Variants in CCDC171 observed in about 807,000 individuals in gnomAD.
CCDC171 encodes the protein coiled-coil domain containing 171.
A neutral mutation model predicts 168.2 loss-of-function variants in CCDC171; 177 were observed. The ratio of observed to expected loss-of-function variants is 1.05; its 90% CI spans 0.93 to 1.19. The LOEUF (loss-of-function observed/expected upper bound fraction) is 1.19. Ranked by LOEUF, CCDC171 falls within the 50% of genes most tolerant of loss-of-function variation. The probability of loss-of-function intolerance (pLI) is 0.00; values close to 1 mark genes in which losing one functional copy is unlikely to be tolerated. For synonymous variants in CCDC171, 687 were observed against 540.8 expected (o/e 1.27, Z -3.75); for missense variants, 1,991 against 1,539.0 (o/e 1.29, Z -4.91).
chr9:15,820,368 C>A (rs2059719147), intron 21 of CCDC171, among the ~76,000 whole-genome samples: 2 of 110,684 alleles, frequency 1.8e-5, no homozygotes, highest in South Asian at 3.0e-4. Context: ...AATAGAGGCA[C>A]AAAAAACCCT....
intron 16 of CCDC171, among the ~76,000 whole-genome samples, chr9:15,741,244 C>T (rs891132157): frequency 2.0e-5 from 3 of 152,164 alleles, no homozygotes; most frequent in African/African-American, 7.2e-5. Flanking sequence ...GTGAACTTTT[C>T]ATCACTCCAA....
At chr9:15,921,564 C>G (rs1825330087) in intron 25 of CCDC171, among the ~76,000 whole-genome samples, 1 of 151,550 alleles carries the variant, frequency 6.6e-6, no homozygotes, top group South Asian at 2.1e-4. Flanking sequence ...TTAAGACTTT[C>G]CAGTTCTAAG....
chr9:15,686,974 T>C (rs1317579635), intron 10 of CCDC171, among the ~76,000 whole-genome samples: 1 of 152,220 alleles, frequency 6.6e-6, no homozygotes, highest in Non-Finnish European at 1.5e-5. Context: ...CAAGTGTACG[T>C]GAAATATTCT....
At chr9:15,856,778 C>T (rs1207315698) in intron 23 of CCDC171, among the ~76,000 whole-genome samples, 2 of 152,090 alleles carry the variant, frequency 1.3e-5, no homozygotes, top group East Asian at 3.9e-4. Flanking sequence ...TGTGAAATCT[C>T]CATACTTTTT....
chr9:15,740,082 A>G (rs1028267182), intron 16 of CCDC171, among the ~76,000 whole-genome samples: 1 of 151,984 alleles, frequency 6.6e-6, no homozygotes, highest in African/African-American at 2.4e-5. Flanking sequence ...TTCTCTTTTT[A>G]TGCATCTGGA....
chr9:16,029,151 A>C lies in CCDC171; in HGVS notation n.998+6243A>C, dbSNP rs769408897. 2.6e-5 allele frequency among the ~76,000 whole-genome samples: 4 copies of C among 152,156 alleles called. No individual in the cohort carries two copies. In the East Asian group the frequency reaches 7.7e-4, roughly 29 times the overall value. ...AAGTAGTGAGGGCTGTAAGGCAACAAGTGGTAAAAGGAGAGGAGAGAGAGG... is the reference window on the plus strand; with the variant it reads ...AAGTAGTGAGGGCTGTAAGGCAACACGTGGTAAAAGGAGAGGAGAGAGAGG... On this transcript the variant is annotated intron_variant and non_coding_transcript_variant, in intron 6 of 9. Coordinates refer to the CCDC171 transcript ENST00000486641.
chr9:15,924,557 T>A (rs1488299428), intron 25 of CCDC171, among the ~76,000 whole-genome samples: 1 of 151,562 alleles, frequency 6.6e-6, no homozygotes, highest in Non-Finnish European at 1.5e-5. Flanking sequence ...ACAAATTTCA[T>A]CATTTTATCC....
chr9:15,636,991 C>T (rs933256579), intron 7 of CCDC171, among the ~76,000 whole-genome samples: 7 of 151,428 alleles, frequency 4.6e-5, no homozygotes, highest in Non-Finnish European at 1.0e-4. Context: ...CGTGGTGGCT[C>T]ATGCCTGTAA....
intron 16 of CCDC171, among the ~76,000 whole-genome samples, chr9:15,733,477 A>AG (rs2054280998): frequency 7.1e-6 from 1 of 141,788 alleles, no homozygotes; most frequent in African/African-American, 2.6e-5. Flanking sequence ...GATTAAGGTC[A>AG]GTTTTTTTTT....
chr9:15,685,678 A>G (rs970558926), intron 10 of CCDC171, among the ~76,000 whole-genome samples: 1 of 152,128 alleles, frequency 6.6e-6, no homozygotes, highest in African/African-American at 2.4e-5. Flanking sequence ...TTTAAAAAAC[A>G]AAACAAAATC....
intron 3 of CCDC171, among the ~76,000 whole-genome samples, chr9:16,003,274 A>T (rs1832608175): frequency 6.6e-6 from 1 of 152,200 alleles, no homozygotes; most frequent in Non-Finnish European, 1.5e-5. Flanking sequence ...AGGTGATGGG[A>T]CTAGATGATT....
intron 20 of CCDC171, among the ~76,000 whole-genome samples, chr9:15,781,936 T>C (rs182151983): frequency 9.2e-5 from 14 of 152,114 alleles, no homozygotes; most frequent in African/African-American, 3.4e-4. Context: ...CCTGGAGTCA[T>C]ATAGTTATTA....
At chr9:15,596,751 A>G (rs1470106730) in intron 6 of CCDC171, among the ~76,000 whole-genome samples, 3 of 151,814 alleles carry the variant, frequency 2.0e-5, no homozygotes, top group African/African-American at 7.3e-5. Flanking sequence ...GGCCATTTTC[A>G]CGATATTGAT....
chr9:15,848,853 G>T (rs756338492), intron 22 of CCDC171, 40 bp from the exon 23 acceptor site: 1 of 1,200,020 alleles, frequency 8.3e-7, no homozygotes, highest in Non-Finnish European at 1.2e-6. Context: ...TTGTAGTAAG[G>T]TTTGAGTTTT....
chr9:15,719,092 A>C (rs999722917), intron 11 of CCDC171, among the ~76,000 whole-genome samples: 2 of 152,170 alleles, frequency 1.3e-5, no homozygotes, highest in Non-Finnish European at 2.9e-5. Flanking sequence ...AATATAACAC[A>C]GAGAAGTAAT....
chr9:15,600,821 A>T (rs571511622), intron 6 of CCDC171, among the ~76,000 whole-genome samples: 82 of 152,172 alleles, frequency 5.4e-4, no homozygotes, highest in African/African-American at 1.9e-3. Context: ...TTACCTACTC[A>T]AGCCTCCACA....
At chr9:15,576,169 GTA>G (rs2040646645) in intron 3 of CCDC171, among the ~76,000 whole-genome samples, 1 of 147,608 alleles carries the variant, frequency 6.8e-6, no homozygotes, top group Non-Finnish European at 1.5e-5. Flanking sequence ...GTATATACAT[GTA>G]TATATATTTG....
At chr9:15,890,507 G>A (rs1248653851) in intron 24 of CCDC171, among the ~76,000 whole-genome samples, 1 of 151,188 alleles carries the variant, frequency 6.6e-6, no homozygotes, top group Non-Finnish European at 1.5e-5. Flanking sequence ...TGCAAAATGG[G>A]GATTGACCTG....
At chr9:15,559,870 C>T (rs182528851) in intron 1 of CCDC171, among the ~76,000 whole-genome samples, 3 of 152,008 alleles carry the variant, frequency 2.0e-5, no homozygotes, top group South Asian at 2.1e-4. Context: ...TGGCTGGTAC[C>T]GGTTGTTCCT....
Sources: gnomAD v4.1 joint callset for allele counts (sites outside exome capture counted in the v4.1 genomes callset) on GRCh38, gnomAD v4.1.1 for gene constraint, MANE v1.5 for transcripts, NCBI Gene and HGNC (gene_info 2026-07-23, HGNC 2026-07-21) for gene names.